Variants in CDYL observed in about 807,000 individuals in gnomAD.
CDYL encodes chromodomain Y like.
CDYL carries 8 observed loss-of-function variants against 47.3 expected under a neutral mutation model. That is an observed-to-expected ratio of 0.17 (90% CI 0.10 to 0.31). The LOEUF is 0.31. Ranked by LOEUF, CDYL falls within the 10% of genes least tolerant of loss-of-function variation. The pLI, the probability that CDYL is intolerant of heterozygous loss-of-function variation, is 1.00. For synonymous variants in CDYL, 266 were observed against 265.0 expected (o/e 1.00, Z -0.04); for missense variants, 471 against 701.4 (o/e 0.67, Z 3.71).
intron 1 of CDYL, among the ~76,000 whole-genome samples, chr6:4,882,055 C>T (rs1323646245): frequency 6.6e-6 from 1 of 152,202 alleles, no homozygotes; most frequent in African/African-American, 2.4e-5. Context: ...TCGTCCATTG[C>T]ACGCAGAGGT....
intron 2 of CDYL, among the ~76,000 whole-genome samples, chr6:4,902,091 C>T (rs1470399717): frequency 1.3e-5 from 2 of 152,074 alleles, no homozygotes; most frequent in African/African-American, 2.4e-5. Context: ...AAAGCCAGGG[C>T]TAGTAACAAT....
In CDYL at chr6:4,891,993, G is replaced by A. The variant is rs779392958; in HGVS notation, c.305G>A (p.Gly102Glu). The A allele has an allele frequency of 1.2e-6, 2 of 1,614,144 alleles. No homozygotes were observed. The highest frequency in any genetic ancestry group is 1.7e-6 in the Non-Finnish European group (2 of 1,180,038). ...SKTSPKALVI[G>E]KDHESKNSQL... Reference sequence around the variant, plus strand: ...ACCTCTCCTAAGGCACTCGTGATTGGGAAAGACCACGAATCCAAAAACAGC... The same window carrying A: ...ACCTCTCCTAAGGCACTCGTGATTGAGAAAGACCACGAATCCAAAAACAGC... Residue 102 changes from glycine (G) to glutamate (E), a missense_variant, in exon 2 of 7, where the codon GGG becomes GAG. This residue lies in a region of CDYL where 311 missense variants were observed against 350.0 expected (regional missense o/e 0.89). Coordinates refer to ENST00000397588, the MANE Select transcript of CDYL (RefSeq NM_004824.4).
chr6:4,867,938 G>T (rs191806687), intron 1 of CDYL, among the ~76,000 whole-genome samples: 33 of 151,966 alleles, frequency 2.2e-4, no homozygotes, highest in Admixed American at 2.2e-3. Context: ...TTTCTGCCAG[G>T]TGTAGGTAGT....
At chr6:4,821,260 CTTTTTTTTTTTTTTT>C (rs1176819548) in intron 1 of CDYL, among the ~76,000 whole-genome samples, 3 of 60,380 alleles carry the variant, frequency 5.0e-5, no homozygotes, top group Admixed American at 2.0e-4. Flanking sequence ...TATGGGAATT[CTTTTTTTTTTTTTTT>C]TTTTTTTTTT....
At chr6:4,893,275 G>A (rs964897698) in intron 2 of CDYL, among the ~76,000 whole-genome samples, 3 of 152,180 alleles carry the variant, frequency 2.0e-5, no homozygotes, top group Non-Finnish European at 4.4e-5. Flanking sequence ...CTGGCGCTCC[G>A]CTGCCCTCTG....
intron 5 of CDYL, 22 bp from the exon 6 acceptor site, chr6:4,952,244 C>T: frequency 1.2e-6 from 2 of 1,609,948 alleles, no homozygotes; most frequent in Non-Finnish European, 8.5e-7. Flanking sequence ...ATTCATATTA[C>T]ATCCACTCTT....
intron 1 of CDYL, among the ~76,000 whole-genome samples, chr6:4,826,652 T>C (rs1561656493): frequency 6.6e-6 from 1 of 152,240 alleles, no homozygotes; most frequent in African/African-American, 2.4e-5. Flanking sequence ...CACATATTTG[T>C]GGATTTTCCC....
intron 2 of CDYL, among the ~76,000 whole-genome samples, chr6:4,921,118 G>C (rs1757702196): frequency 6.6e-6 from 1 of 152,170 alleles, no homozygotes; most frequent in Non-Finnish European, 1.5e-5. Context: ...AGAAGGGAAG[G>C]TCAGTTTCAG....
At chr6:4,776,067 G>A (rs1207906737), upstream of CDYL, among the ~76,000 whole-genome samples, 2 of 150,480 alleles carry the variant, frequency 1.3e-5, no homozygotes, top group East Asian at 3.9e-4. Flanking sequence ...CGGGCCGCAA[G>A]CGCCCACGTC....
At chr6:4,863,312 A>G (rs183213527) in intron 1 of CDYL, among the ~76,000 whole-genome samples, 28 of 152,342 alleles carry the variant, frequency 1.8e-4, no homozygotes, top group Admixed American at 1.4e-3. Context: ...TATATATTAT[A>G]CCATTGTAAC....
intron 2 of CDYL, among the ~76,000 whole-genome samples, chr6:4,721,316 T>C (rs892301392): frequency 6.6e-6 from 1 of 152,112 alleles, no homozygotes; most frequent in Non-Finnish European, 1.5e-5. Flanking sequence ...TCTGTATCTT[T>C]CCAATTTTAC....
chr6:4,875,587 A>G (rs748426259), intron 1 of CDYL, among the ~76,000 whole-genome samples: 8 of 152,246 alleles, frequency 5.3e-5, no homozygotes, highest in African/African-American at 1.9e-4. Flanking sequence ...GTTTACAACT[A>G]CTATATAAAC....
intron 2 of CDYL, among the ~76,000 whole-genome samples, chr6:4,900,779 G>GTGTGTGTATATATATATA: frequency 1.2e-3 from 63 of 51,650 alleles, no homozygotes; most frequent in Non-Finnish European, 1.9e-3. Flanking sequence ...GTATACGTGT[G>GTGTGTGTATATATATATA]TATATATATA....
intron 1 of CDYL, among the ~76,000 whole-genome samples, chr6:4,788,132 GTCTCCAGTGGC>G (rs1758807530): frequency 6.6e-6 from 1 of 151,906 alleles, no homozygotes; most frequent in Admixed American, 6.6e-5. Context: ...CTTCTTTTGG[GTCTCCAGTGGC>G]TCACTTCTGT....
intron 2 of CDYL, among the ~76,000 whole-genome samples, chr6:4,922,986 T>G (rs1757762436): frequency 6.6e-6 from 1 of 152,206 alleles, no homozygotes. Flanking sequence ...TATGTACATA[T>G]TACAATTATT....
intron 2 of CDYL, among the ~76,000 whole-genome samples, chr6:4,915,166 C>T (rs1757521986): frequency 6.6e-6 from 1 of 152,220 alleles, no homozygotes; most frequent in African/African-American, 2.4e-5. Flanking sequence ...TTTCGATCAC[C>T]TCCCAGTGGA....
Position 4,900,490 on chromosome 6 carries a change from C to T in CDYL, c.691+8111C>T, listed in dbSNP as rs543172997. On this transcript the variant is annotated intron_variant, in intron 2 of 6. Transcript: ENST00000397588. ...TACATTTTTTTCCTATTCGAGGATACATTTTACACTATTTGAGAGTTAGTC... is the reference window on the plus strand; with the variant it reads ...TACATTTTTTTCCTATTCGAGGATATATTTTACACTATTTGAGAGTTAGTC... 2.8e-3 allele frequency among the ~76,000 whole-genome samples: 425 copies of T among 151,942 alleles called. 2 individuals carry two copies. Among genetic ancestry groups the T allele is most frequent in the Middle Eastern group, 6.8e-3 (2 of 292 alleles).
intron 2 of CDYL, chr6:4,718,639 G>T (rs1331985385): frequency 1.3e-5 from 2 of 152,086 alleles, no homozygotes; most frequent in Non-Finnish European, 2.9e-5. Context: ...ATTCCCACTA[G>T]CCAGAAGTAA....
chr6:4,855,951 G>A (rs1561672303), intron 1 of CDYL, among the ~76,000 whole-genome samples: 1 of 152,170 alleles, frequency 6.6e-6, no homozygotes, highest in Non-Finnish European at 1.5e-5. Context: ...TCCATTTGTT[G>A]CCAAGGTTGA....
Sources: allele counts gnomAD v4.1 joint callset (sites outside exome capture counted in the v4.1 genomes callset), GRCh38; gene constraint gnomAD v4.1.1; regional missense constraint gnomAD v4.1.1; transcripts MANE v1.5; gene names NCBI Gene and HGNC (gene_info 2026-07-23, HGNC 2026-07-21).